Variants in LEMD3 observed in about 807,000 individuals in gnomAD.
LEMD3 encodes inner nuclear membrane protein Man1.
A neutral mutation model predicts 95.2 loss-of-function variants in LEMD3; 33 were observed. That is an observed-to-expected ratio of 0.35 (90% CI 0.26 to 0.46). The LOEUF (loss-of-function observed/expected upper bound fraction) is 0.46. Among genes scored for constraint, LEMD3 ranks in the 20% least tolerant of loss-of-function variants. LEMD3 has a pLI of 1.00. For synonymous variants in LEMD3, 525 were observed against 474.6 expected (o/e 1.11, Z -1.38); for missense variants, 1,210 against 1,192.8 (o/e 1.01, Z -0.21).
chr12:65,211,227 T>C (rs909082039), intron 2 of LEMD3, among the ~76,000 whole-genome samples: 1 of 152,196 alleles, frequency 6.6e-6, no homozygotes, highest in Non-Finnish European at 1.5e-5. Flanking sequence ...CACTTTACTG[T>C]AAAAGACTAC....
At chr12:65,186,873 A>C (rs2136322223) in intron 1 of LEMD3, among the ~76,000 whole-genome samples, 1 of 152,152 alleles carries the variant, frequency 6.6e-6, no homozygotes, top group Middle Eastern at 3.4e-3. Context: ...TTTGGGGAAA[A>C]AAACAACTTA....
intron 1 of LEMD3, among the ~76,000 whole-genome samples, chr12:65,188,559 G>A (rs889010260): frequency 3.9e-5 from 6 of 152,136 alleles, no homozygotes; most frequent in African/African-American, 1.4e-4. Flanking sequence ...GTTTACACGG[G>A]ATTGGGTTTT....
Position 65,195,856 on chromosome 12 carries a change from A to C in LEMD3, c.1523-15070A>C, listed in dbSNP as rs570515112. ...TTTTATAGATGTAAATTTCCCTTACAAAACAGTCTAAAAATAACTGGTTAA... is the reference window on the plus strand; with the variant it reads ...TTTTATAGATGTAAATTTCCCTTACCAAACAGTCTAAAAATAACTGGTTAA... On this transcript the variant is annotated intron_variant, in intron 1 of 12. Transcript: ENST00000308330. 6.1e-4 allele frequency among the ~76,000 whole-genome samples: 93 copies of C among 152,282 alleles called. No individual in the cohort carries two copies. The South Asian group carries it at 7.0e-3, about 12-fold the overall frequency.
chr12:65,203,040 C>T (rs1335551456), intron 1 of LEMD3, among the ~76,000 whole-genome samples: 2 of 152,134 alleles, frequency 1.3e-5, no homozygotes, highest in East Asian at 3.9e-4. Flanking sequence ...TTTTTAATTT[C>T]ATTGATTTCT....
In LEMD3 at chr12:65,170,208, C is replaced by T. The variant is rs748249096; in HGVS notation, c.612C>T (p.Gly204=). 6 of 1,497,092 alleles carry T rather than the reference C, an allele frequency of 4.0e-6. No individual in the cohort carries two copies. The highest frequency in any genetic ancestry group is 1.3e-5 in the South Asian group (1 of 74,856). The allele number at this position is 1,497,092 out of a possible 1,614,324, so 92.7% of individuals were successfully genotyped here. A position where few individuals can be genotyped will look rare whatever the true frequency, so the allele number is the denominator to read the frequency against. The change falls in exon 1 of 13, where the codon GGC becomes GGT. Residue 204 remains glycine, a synonymous_variant. Transcript: ENST00000308330. The stretch of plus-strand genomic sequence containing the variant: ...GGTGGGGGGCCAGGAGGCCGGCGGG[C>T]CCCGAGCTGCAGACCCCGCCGGGGA... The part of the protein sequence containing the change: ...HSWWGARRPA[G]PELQTPPGKD...
intron 10 of LEMD3, among the ~76,000 whole-genome samples, chr12:65,245,119 A>C (rs1212867937): frequency 6.6e-6 from 1 of 150,422 alleles, no homozygotes; most frequent in African/African-American, 2.4e-5. Flanking sequence ...TCATTGCCTC[A>C]GCTCTCTGCA....
intron 1 of LEMD3, among the ~76,000 whole-genome samples, chr12:65,205,244 C>T (rs1484526434): frequency 1.3e-5 from 2 of 152,070 alleles, no homozygotes; most frequent in Non-Finnish European, 2.9e-5. Context: ...ATGGGGATTA[C>T]AATTTGAGAT....
chr12:65,208,873 A>C (rs1036677034), intron 1 of LEMD3, among the ~76,000 whole-genome samples: 1 of 152,130 alleles, frequency 6.6e-6, no homozygotes, highest in East Asian at 1.9e-4. Context: ...ATTTTAGACT[A>C]CAAGGCAAGA....
intron 8 of LEMD3, 104 bp downstream of exon 8, chr12:65,240,342 C>T (rs1870897751): frequency 1.2e-6 from 1 of 856,756 alleles, no homozygotes; most frequent in Admixed American, 1.9e-5. Context: ...ACTAGACTTG[C>T]TTACTGCACA....
rs183060935 is a variant in LEMD3 at position 65,228,430 on chromosome 12, C to A, written c.1695+9811C>A. On this transcript the variant is annotated intron_variant, in intron 4 of 12. Coordinates refer to ENST00000308330, the MANE Select transcript of LEMD3 (RefSeq NM_014319.5). ...TTTTTTTTTGAGGTGGAGTCTTGCT[C>A]TGTTGCCCAGGCTGGAGTGCAGTGG... is the stretch of plus-strand genomic sequence containing the variant. 1.9e-3 allele frequency among the ~76,000 whole-genome samples: 285 copies of A among 146,882 alleles called. 6 individuals carry two copies. Among genetic ancestry groups the A allele is most frequent in the Admixed American group, 0.018 (264 of 14,578 alleles).
chr12:65,243,979 CT>C (rs1164001588), intron 10 of LEMD3, among the ~76,000 whole-genome samples: 3 of 152,144 alleles, frequency 2.0e-5, no homozygotes, highest in Non-Finnish European at 4.4e-5. Flanking sequence ...ACAACATATG[CT>C]TCCAGAGAAT....
chr12:65,172,540 T>C (rs1868584052), intron 1 of LEMD3, among the ~76,000 whole-genome samples: 1 of 152,114 alleles, frequency 6.6e-6, no homozygotes, highest in South Asian at 2.1e-4. Flanking sequence ...GAAATTCAGC[T>C]CTCACTTTAG....
At chr12:65,242,209 A>G (rs1870957922) in intron 9 of LEMD3, among the ~76,000 whole-genome samples, 1 of 151,920 alleles carries the variant, frequency 6.6e-6, no homozygotes, top group African/African-American at 2.4e-5. Flanking sequence ...TGGGGATGCC[A>G]CCTTCTTCTG....
At chr12:65,190,738 C>T (rs11175671) in intron 1 of LEMD3, among the ~76,000 whole-genome samples, 14,076 of 152,190 alleles carry the variant, frequency 0.092, 723 homozygotes, top group East Asian at 0.15. Context: ...GGTCCTTAAC[C>T]TTGGCGAAAT....
chr12:65,205,962 C>A (rs1291065414), intron 1 of LEMD3, among the ~76,000 whole-genome samples: 1 of 151,986 alleles, frequency 6.6e-6, no homozygotes. Flanking sequence ...TTTAATAAAG[C>A]CATGAAACAA....
chr12:65,232,711 T>C (rs1870665516), intron 4 of LEMD3, among the ~76,000 whole-genome samples: 3 of 152,140 alleles, frequency 2.0e-5, no homozygotes. Flanking sequence ...GGTGGAACAT[T>C]GAAGAAATAC....
chr12:65,185,515 AATATT>A (rs765735470), intron 1 of LEMD3, among the ~76,000 whole-genome samples: 4 of 152,152 alleles, frequency 2.6e-5, no homozygotes, highest in Admixed American at 6.5e-5. Context: ...TAAAATATAA[AATATT>A]ATATGCATGG....
intron 4 of LEMD3, among the ~76,000 whole-genome samples, chr12:65,232,939 G>A (rs1268518774): frequency 6.6e-6 from 1 of 152,154 alleles, no homozygotes; most frequent in Non-Finnish European, 1.5e-5. Context: ...GGGCTGGATA[G>A]ACTTTTATGG....
At chr12:65,174,600 G>T (rs561790538) in intron 1 of LEMD3, among the ~76,000 whole-genome samples, 6 of 152,176 alleles carry the variant, frequency 3.9e-5, no homozygotes, top group Non-Finnish European at 8.8e-5. Context: ...TCAAGTATTA[G>T]ATCCTTTCTG....
Sources: allele counts gnomAD v4.1 joint callset (sites outside exome capture counted in the v4.1 genomes callset), GRCh38; gene constraint gnomAD v4.1.1; transcripts MANE v1.5; gene names NCBI Gene and HGNC (gene_info 2026-07-23, HGNC 2026-07-21).